Variants in UNC5C observed in about 807,000 individuals in gnomAD.
UNC5C encodes netrin receptor UNC5C.
A neutral mutation model predicts 99.8 loss-of-function variants in UNC5C; 47 were observed. That is an observed-to-expected ratio of 0.47 (90% confidence interval 0.37 to 0.60). UNC5C has a LOEUF of 0.60. Among genes scored for constraint, UNC5C ranks in the 20% least tolerant of loss-of-function variants. The pLI is 0.00. For missense variants in UNC5C, 1,062 were observed against 1,165.9 expected, an observed-to-expected ratio of 0.91 and a Z score of 1.30; for synonymous variants, 487 against 452.2, an observed-to-expected ratio of 1.08 and a Z score of -0.98.
At chr4:95,509,215 T>C (rs1309283628) in intron 1 of UNC5C, among the ~76,000 whole-genome samples, 4 of 151,888 alleles carry the variant, frequency 2.6e-5, no homozygotes, top group Non-Finnish European at 5.9e-5. Context: ...AGTTTTTTTC[T>C]AGTAACCATA....
At position 95,380,939 on chromosome 4, in the gene UNC5C, A is replaced by T. The variant is rs575460680; in HGVS notation, c.125-45308T>A. ...AGTTCATATTTTGTGCAATTTTACC[A>T]TACCAATTTAAAACCTTTGTTGCAA... is the stretch of plus-strand genomic sequence containing the variant. On this transcript the variant is annotated intron_variant, in intron 1 of 15. Transcript: ENST00000453304. Among the ~76,000 whole-genome samples, 7 of 152,302 alleles carry T rather than the reference A, an allele frequency of 4.6e-5. No homozygotes were observed. The South Asian group carries it at 6.2e-4, about 14-fold the overall frequency.
At position 95,288,624 on chromosome 4, in the gene UNC5C, G is replaced by C. The variant is rs1046956636; in HGVS notation, c.491-10262C>G. ...AGTTTCACTGAGCCATAATCAAAGG[G>C]ACAGCAGGATTATGCGCTCCCTCTG... On this transcript the variant is annotated intron_variant, in intron 3 of 15. Transcript: ENST00000453304. Among the ~76,000 whole-genome samples, 4 of 152,200 alleles carry C rather than the reference G, an allele frequency of 2.6e-5. No homozygotes were observed. In the East Asian group the frequency reaches 7.7e-4, roughly 29 times the overall value.
intron 7 of UNC5C, among the ~76,000 whole-genome samples, chr4:95,228,646 AC>A (rs1423063530): frequency 1.3e-5 from 2 of 152,314 alleles, no homozygotes; most frequent in African/African-American, 2.4e-5. Context: ...CTTCTTAAGT[AC>A]TATGTGAGCA....
At chr4:95,461,484 C>A (rs1747597993) in intron 1 of UNC5C, among the ~76,000 whole-genome samples, 1 of 97,436 alleles carries the variant, frequency 1.0e-5, no homozygotes. Context: ...CAATTACAAT[C>A]CAAACAAGAG....
intron 1 of UNC5C, among the ~76,000 whole-genome samples, chr4:95,387,377 C>G (rs80295246): frequency 0.017 from 2,546 of 152,226 alleles, 85 homozygotes; most frequent in African/African-American, 0.058. Context: ...TGAGCTCAAG[C>G]TATCTTCTCT....
intron 14 of UNC5C, 65 bp downstream of exon 14, chr4:95,182,832 C>G: frequency 3.3e-6 from 5 of 1,535,620 alleles, no homozygotes; most frequent in Admixed American, 3.6e-5. Context: ...CCCTTTTAGC[C>G]CACACACTCT....
intron 10 of UNC5C, among the ~76,000 whole-genome samples, chr4:95,212,745 C>A (rs1738115946): frequency 6.6e-6 from 1 of 152,238 alleles, no homozygotes; most frequent in Admixed American, 6.5e-5. Flanking sequence ...TGCTGCTTCT[C>A]ACCTTTCTCA....
chr4:95,223,523 G>C (rs901945206), intron 7 of UNC5C, among the ~76,000 whole-genome samples: 1 of 152,196 alleles, frequency 6.6e-6, no homozygotes, highest in African/African-American at 2.4e-5. Flanking sequence ...ACTAATTCTG[G>C]AGAAACATGC....
intron 3 of UNC5C, among the ~76,000 whole-genome samples, chr4:95,292,281 T>A (rs28455104): frequency 2.0e-5 from 3 of 147,608 alleles, no homozygotes; most frequent in African/African-American, 7.4e-5. Flanking sequence ...TTTTTTTGTT[T>A]TTTTTTGAGA....
intron 1 of UNC5C, among the ~76,000 whole-genome samples, chr4:95,385,632 A>G (rs1745191671): frequency 6.6e-6 from 1 of 152,128 alleles, no homozygotes; most frequent in Admixed American, 6.6e-5. Context: ...TCTTACAACA[A>G]AATTACTATG....
chr4:95,336,712 C>T (rs555045258), intron 1 of UNC5C, among the ~76,000 whole-genome samples: 89 of 151,964 alleles, frequency 5.9e-4, no homozygotes, highest in Non-Finnish European at 1.1e-3. Flanking sequence ...CTCTGTTTTG[C>T]AGTAAAAATT....
intron 1 of UNC5C, among the ~76,000 whole-genome samples, chr4:95,391,494 A>G (rs1745357897): frequency 6.6e-6 from 1 of 152,168 alleles, no homozygotes; most frequent in African/African-American, 2.4e-5. Context: ...AATAATTTTC[A>G]TGTATTAAAT....
chr4:95,543,188 G>A (rs561253127), intron 1 of UNC5C, among the ~76,000 whole-genome samples: 83 of 152,048 alleles, frequency 5.5e-4, no homozygotes, highest in African/African-American at 2.0e-3. Context: ...TCCATACATA[G>A]GTTTAAGAAA....
intron 1 of UNC5C, among the ~76,000 whole-genome samples, chr4:95,528,044 G>T (rs1722542559): frequency 6.6e-6 from 1 of 151,874 alleles, no homozygotes; most frequent in Non-Finnish European, 1.5e-5. Context: ...TTTACTAGTG[G>T]GAGGATTACA....
At chr4:95,200,202 A>G (rs1311628809) in intron 12 of UNC5C, among the ~76,000 whole-genome samples, 1 of 152,202 alleles carries the variant, frequency 6.6e-6, no homozygotes, top group Non-Finnish European at 1.5e-5. Flanking sequence ...TACTCTCTGA[A>G]CGGAAGCTCC....
At chr4:95,310,268 G>A (rs1742229881) in intron 2 of UNC5C, among the ~76,000 whole-genome samples, 1 of 152,122 alleles carries the variant, frequency 6.6e-6, no homozygotes. Flanking sequence ...AAAAATGGTG[G>A]TTCACAGAGG....
At chr4:95,534,919 A>G (rs1722736378) in intron 1 of UNC5C, among the ~76,000 whole-genome samples, 1 of 152,154 alleles carries the variant, frequency 6.6e-6, no homozygotes, top group Non-Finnish European at 1.5e-5. Flanking sequence ...TTTCTGATAC[A>G]GTGAGGAAGG....
chr4:95,338,752 T>G (rs994942786), intron 1 of UNC5C, among the ~76,000 whole-genome samples: 1 of 152,066 alleles, frequency 6.6e-6, no homozygotes, highest in African/African-American at 2.4e-5. Flanking sequence ...ATGGCAACTT[T>G]GATCATTCCT....
chr4:95,386,290 C>T (rs900511337), intron 1 of UNC5C, among the ~76,000 whole-genome samples: 3 of 151,984 alleles, frequency 2.0e-5, no homozygotes, highest in African/African-American at 7.3e-5. Context: ...CTTATGTATA[C>T]ATGTGCCATG....
Sources: gnomAD v4.1 joint callset for allele counts (sites outside exome capture counted in the v4.1 genomes callset) on GRCh38, gnomAD v4.1.1 for gene constraint, MANE v1.5 for transcripts, NCBI Gene and HGNC (gene_info 2026-07-23, HGNC 2026-07-21) for gene names.